ANKRD27: variants seen among roughly 807,000 people sequenced by gnomAD.
The protein encoded by ANKRD27 is ankyrin repeat domain 27.
A neutral mutation model predicts 129.7 loss-of-function variants in ANKRD27; 112 were observed. The observed-to-expected ratio is 0.86, with a 90% CI of 0.74 to 1.01. The LOEUF (loss-of-function observed/expected upper bound fraction) is 1.01, where lower values mean the gene tolerates loss of function less well. Ranked by LOEUF, ANKRD27 falls within the 50% of genes least tolerant of loss-of-function variation. The pLI, the probability that ANKRD27 is intolerant of heterozygous loss-of-function variation, is 0.00. For missense variants in ANKRD27, 1,258 were observed against 1,300.5 expected, an observed-to-expected ratio of 0.97 and a Z score of 0.50; for synonymous variants, 516 against 511.2, an observed-to-expected ratio of 1.01 and a Z score of -0.13.
chr19:32,654,803 A>G (rs1349471158), intron 2 of ANKRD27, among the ~76,000 whole-genome samples: 1 of 151,918 alleles, frequency 6.6e-6, no homozygotes, highest in African/African-American at 2.4e-5. Flanking sequence ...GTTTTTTGAG[A>G]TAGAGTCTTG....
chr19:32,623,485 G>T (rs1972044164), intron 17 of ANKRD27, among the ~76,000 whole-genome samples: 1 of 151,712 alleles, frequency 6.6e-6, no homozygotes, highest in African/African-American at 2.4e-5. Flanking sequence ...CTTCCTGTGT[G>T]TTGTTCCAAC....
intron 21 of ANKRD27, 109 bp from the exon 22 acceptor site, chr19:32,615,889 C>T: frequency 3.4e-6 from 5 of 1,458,548 alleles, no homozygotes; most frequent in Non-Finnish European, 3.7e-6. Context: ...ACGCTTCCTT[C>T]TCCAACCCCA....
intron 21 of ANKRD27, among the ~76,000 whole-genome samples, chr19:32,616,674 G>A (rs577474738): frequency 2.0e-5 from 3 of 152,086 alleles, no homozygotes; most frequent in African/African-American, 7.2e-5. Flanking sequence ...ACTGTCAGAT[G>A]TACCTAATGG....
chr19:32,602,179 GTTA>G (rs1445752246), intron 25 of ANKRD27, 53 bp from the exon 26 acceptor site: 7 of 1,129,812 alleles, frequency 6.2e-6, no homozygotes, highest in Non-Finnish European at 9.3e-6. Context: ...TTTTTAATAG[GTTA>G]TTATTTGTTT....
chr19:32,664,670 T>A (rs1967714240), intron 1 of ANKRD27, among the ~76,000 whole-genome samples: 1 of 124,858 alleles, frequency 8.0e-6, no homozygotes, highest in Non-Finnish European at 1.8e-5. Context: ...AAAAAGTTCT[T>A]CATGATGGCC....
rs373551875 is a variant in ANKRD27, at chr19:32,605,797, C to T, written c.2493+38G>A. 3.0e-5 allele frequency: 48 copies of T among 1,607,542 alleles called. No individual in the cohort carries two copies. The East Asian group carries it at 3.4e-4, about 11-fold the overall frequency. ...TGGGTGGAGGCGCCCTGTTAACTGGCGCAGGTGTGTAGAATGAGGACAGGA... is the reference window on the plus strand; with the variant it reads ...TGGGTGGAGGCGCCCTGTTAACTGGTGCAGGTGTGTAGAATGAGGACAGGA... On this transcript the variant is annotated intron_variant, in intron 24 of 28. Coordinates refer to ENST00000306065, the MANE Select transcript of ANKRD27 (RefSeq NM_032139.3).
intron 11 of ANKRD27, 104 bp from the exon 12 acceptor site, chr19:32,639,592 G>T: frequency 1.6e-6 from 2 of 1,233,692 alleles, no homozygotes; most frequent in Non-Finnish European, 2.3e-6. Context: ...TAGTCAGTTG[G>T]TTCGCTCAGG....
intron 22 of ANKRD27, among the ~76,000 whole-genome samples, chr19:32,611,801 G>A (rs1249846518): frequency 3.3e-5 from 5 of 152,224 alleles, no homozygotes; most frequent in Admixed American, 1.3e-4. Flanking sequence ...GGCTGGTCTC[G>A]AATTCCTGAC....
chr19:32,600,433 CAA>C lies in ANKRD27; in HGVS notation c.2768-385_2768-384del, dbSNP rs572819431. The C allele has an allele frequency of 1.2e-3, 201 of 169,374 alleles. 1 individual carries two copies. The highest frequency in any genetic ancestry group is 4.7e-3 in the African/African-American group (195 of 41,932). 10.5% of individuals were successfully genotyped at this position (169,374 alleles called of 1,614,324 possible). On this transcript the variant is annotated intron_variant, in intron 26 of 28. Transcript: ENST00000306065. ...GCACGCACCTATAATCCCAGCTACT[CAA>C]GAGGCTGAGGCAGGAGACTCGCTTG...
chr19:32,620,230 C>T (rs2145275155), intron 18 of ANKRD27, among the ~76,000 whole-genome samples: 1 of 151,226 alleles, frequency 6.6e-6, no homozygotes, highest in South Asian at 2.1e-4. Context: ...TATGCTGTGT[C>T]CCTGCCACAC....
At chr19:32,656,347 G>A (rs921172144) in intron 2 of ANKRD27, among the ~76,000 whole-genome samples, 4 of 152,190 alleles carry the variant, frequency 2.6e-5, no homozygotes, top group Admixed American at 1.3e-4. Context: ...AAATATTCCC[G>A]CAGTACGGCC....
intron 17 of ANKRD27, among the ~76,000 whole-genome samples, chr19:32,625,091 A>G (rs1972069267): frequency 6.6e-6 from 1 of 151,822 alleles, no homozygotes; most frequent in African/African-American, 2.4e-5. Flanking sequence ...CCCCGACTTT[A>G]CTAAAAATAC....
rs201118375 is a variant in ANKRD27 at position 32,607,595 on chromosome 19, C to T, written c.2373+40G>A. On this transcript the variant is annotated intron_variant, in intron 23 of 28. Coordinates refer to ENST00000306065, the MANE Select transcript of ANKRD27 (RefSeq NM_032139.3). ...CCAAGCACAAGGTCCTAGCCCAAAG[C>T]AGACACCCTGCTCCACCACCCCCAA... 1.8e-5 allele frequency: 29 copies of T among 1,595,090 alleles called. No individual in the cohort carries two copies. In the African/African-American group the frequency reaches 3.2e-4, roughly 18 times the overall value.
intron 1 of ANKRD27, among the ~76,000 whole-genome samples, chr19:32,665,671 G>T (rs1161442691): frequency 6.6e-6 from 1 of 152,098 alleles, no homozygotes; most frequent in Non-Finnish European, 1.5e-5. Flanking sequence ...GTGTTAGCCA[G>T]GATGGTCTCG....
At position 32,622,445 on chromosome 19, in the gene ANKRD27, G is replaced by T; in HGVS notation, c.1804C>A (p.Leu602Ile). The T allele has an allele frequency of 1.2e-6, 2 of 1,613,868 alleles. No individual in the cohort carries two copies. Among genetic ancestry groups the T allele is most frequent in the African/African-American group, 1.3e-5 (1 of 75,012 alleles). Residue 602 changes from leucine (L) to isoleucine (I), a missense_variant, in exon 18 of 29, where the codon CTC (leucine) becomes ATC (isoleucine). By Grantham distance (5) the Leu-to-Ile change is conservative. Transcript: ENST00000306065. ...ACCTTTGAGTTTAATGCACACTTGA[G>T]GGGCGTCTCCTTCAGTCTGTTCTGG... ...EIQNRLKETP[L>I]KCALNSKILS...
chr19:32,626,728 C>A lies in ANKRD27; in HGVS notation c.1520G>T (p.Gly507Val), dbSNP rs201102814. Reference protein sequence around the residue: ...ATPLHLACQKGYQSVTLLLLH... With the variant: ...ATPLHLACQKVYQSVTLLLLH... ...ACTGCTCACCGTCACGCTCTGGTAG[C>A]CCTTCTGACAGGCCAGGTGGAGCGG... Residue 507 changes from glycine (G) to valine (V), a missense_variant, in exon 16 of 29, where the codon GGC becomes GTC. Transcript: ENST00000306065. 12 of 1,609,816 alleles carry A rather than the reference C, an allele frequency of 7.5e-6. No homozygotes were observed. The highest frequency in any genetic ancestry group is 1.0e-5 in the Non-Finnish European group (12 of 1,178,120).
intron 13 of ANKRD27, among the ~76,000 whole-genome samples, chr19:32,631,022 AT>A (rs912657424): frequency 3.4e-5 from 5 of 147,596 alleles, no homozygotes; most frequent in African/African-American, 7.5e-5. Flanking sequence ...CACCCTGATC[AT>A]TTTTTTTTTC....
At chr19:32,638,805 T>G (rs1967138675) in intron 12 of ANKRD27, 1 of 159,304 alleles carries the variant, frequency 6.3e-6, no homozygotes, top group Non-Finnish European at 1.4e-5. Context: ...CACCTGGTTG[T>G]GTGCAGTGGC....
Position 32,661,856 on chromosome 19 carries a change from G to C in ANKRD27, c.-30-2811C>G, listed in dbSNP as rs529121935. Among the ~76,000 whole-genome samples, 9 of 152,200 alleles carry C rather than the reference G, an allele frequency of 5.9e-5. No homozygotes were observed. The South Asian group carries it at 1.9e-3, about 32-fold the overall frequency. On this transcript the variant is annotated intron_variant, in intron 1 of 28. Transcript: ENST00000306065. ...TGGTTGAAAAAAACACATATAAGTG[G>C]ACCCACACAGTTCAAACCCATATTG...
Sources: gnomAD v4.1 joint callset for allele counts (sites outside exome capture counted in the v4.1 genomes callset) on GRCh38, gnomAD v4.1.1 for gene constraint, MANE v1.5 for transcripts, NCBI Gene and HGNC (gene_info 2026-07-23, HGNC 2026-07-21) for gene names.